The following PTPRG variants were observed in gnomAD, a reference collection of about 807,000 sequenced individuals.
The protein encoded by PTPRG is receptor-type tyrosine-protein phosphatase gamma.
PTPRG carries 102 observed loss-of-function variants against 165.3 expected under a neutral mutation model. That is an observed-to-expected ratio of 0.62 (90% CI 0.53 to 0.73). The LOEUF (loss-of-function observed/expected upper bound fraction) is 0.73. PTPRG is among the 30% of genes least tolerant of loss of function. PTPRG has a pLI of 0.00. For synonymous variants in PTPRG, 675 were observed against 669.5 expected (o/e 1.01, Z -0.13); for missense variants, 1,866 against 1,861.4 (o/e 1.00, Z -0.05).
intron 2 of PTPRG, among the ~76,000 whole-genome samples, chr3:61,873,177 T>C (rs945797565): frequency 6.6e-6 from 1 of 152,202 alleles, no homozygotes; most frequent in African/African-American, 2.4e-5. Context: ...ACATGTAACC[T>C]GGGTGACATG....
chr3:61,642,659 C>T (rs913992624), intron 1 of PTPRG, among the ~76,000 whole-genome samples: 1 of 152,188 alleles, frequency 6.6e-6, no homozygotes, highest in Non-Finnish European at 1.5e-5. Context: ...CCTTAAAACC[C>T]GGATTTGACT....
intron 4 of PTPRG, among the ~76,000 whole-genome samples, chr3:62,024,867 A>T (rs990878355): frequency 2.6e-5 from 4 of 152,210 alleles, no homozygotes; most frequent in African/African-American, 9.7e-5. Context: ...GAATTTCGAC[A>T]TGCGATTTTC....
chr3:61,975,215 A>G (rs2040474469), intron 2 of PTPRG, among the ~76,000 whole-genome samples: 1 of 152,210 alleles, frequency 6.6e-6, no homozygotes, highest in African/African-American at 2.4e-5. Context: ...ACCGTTTACT[A>G]GGGGAATGAT....
At chr3:61,575,330 A>C (rs1700150454) in intron 1 of PTPRG, among the ~76,000 whole-genome samples, 1 of 152,216 alleles carries the variant, frequency 6.6e-6, no homozygotes, top group Admixed American at 6.5e-5. Context: ...GGAACCTTTA[A>C]ATGGGGTTGA....
chr3:62,176,819 A>G (rs990596778), intron 8 of PTPRG, among the ~76,000 whole-genome samples: 17 of 152,134 alleles, frequency 1.1e-4, no homozygotes, highest in African/African-American at 3.9e-4. Flanking sequence ...TTGCTAAGTG[A>G]ACGAATGAAT....
intron 9 of PTPRG, among the ~76,000 whole-genome samples, chr3:62,194,505 C>T (rs539994445): frequency 2.6e-5 from 4 of 152,250 alleles, no homozygotes; most frequent in East Asian, 3.9e-4. Context: ...AAAAATACAG[C>T]GAGGCCTTTG....
intron 2 of PTPRG, among the ~76,000 whole-genome samples, chr3:61,816,821 T>C (rs1003165011): frequency 6.6e-6 from 1 of 151,456 alleles, no homozygotes; most frequent in African/African-American, 2.4e-5. Context: ...CTTGGTGAGA[T>C]AAAAGTGATG....
intron 5 of PTPRG, among the ~76,000 whole-genome samples, chr3:62,116,532 C>T (rs1254630468): frequency 6.6e-6 from 1 of 152,122 alleles, no homozygotes; most frequent in Non-Finnish European, 1.5e-5. Flanking sequence ...GGGTGAATCT[C>T]AGATATAACG....
chr3:62,069,353 A>C (rs1274038196), intron 4 of PTPRG, among the ~76,000 whole-genome samples: 1 of 152,160 alleles, frequency 6.6e-6, no homozygotes, highest in Non-Finnish European at 1.5e-5. Flanking sequence ...TTAGATCTTC[A>C]TCTAATACTG....
chr3:61,847,998 G>A (rs763086535), intron 2 of PTPRG, among the ~76,000 whole-genome samples: 9 of 152,312 alleles, frequency 5.9e-5, no homozygotes, highest in East Asian at 5.8e-4. Context: ...TTGCAGAGAC[G>A]CCTTGTCCCC....
chr3:62,001,038 T>C (rs574226513), intron 3 of PTPRG, among the ~76,000 whole-genome samples: 4 of 152,352 alleles, frequency 2.6e-5, no homozygotes, highest in Non-Finnish European at 5.9e-5. Context: ...TTCCAACATG[T>C]CTTGAGCTCA....
chr3:62,091,610 C>A (rs912509318), intron 5 of PTPRG, among the ~76,000 whole-genome samples: 1 of 152,064 alleles, frequency 6.6e-6, no homozygotes, highest in Admixed American at 6.5e-5. Flanking sequence ...AAACGGGGAT[C>A]CTTTATGTGG....
At chr3:62,162,367 A>T (rs959968793) in intron 7 of PTPRG, among the ~76,000 whole-genome samples, 2 of 152,212 alleles carry the variant, frequency 1.3e-5, no homozygotes, top group African/African-American at 4.8e-5. Context: ...TGTTTTACAC[A>T]TTCACTTCAA....
At chr3:61,822,547 AG>A (rs918109965) in intron 2 of PTPRG, among the ~76,000 whole-genome samples, 2 of 152,238 alleles carry the variant, frequency 1.3e-5, no homozygotes, top group African/African-American at 4.8e-5. Flanking sequence ...CTGTCCTCAG[AG>A]GGATCTTTCC....
intron 3 of PTPRG, among the ~76,000 whole-genome samples, chr3:61,993,974 TAATC>T (rs959975691): frequency 6.6e-6 from 1 of 152,236 alleles, no homozygotes; most frequent in Non-Finnish European, 1.5e-5. Flanking sequence ...CTATCCAGCA[TAATC>T]AATAGAGCAA....
rs1700823889 is a variant in PTPRG, at chr3:62,228,684, A to T, written c.2289-2541A>T. Among the ~76,000 whole-genome samples, 1 of 152,202 alleles carries T rather than the reference A, an allele frequency of 6.6e-6. No homozygotes were observed. Among genetic ancestry groups the T allele is most frequent in the Non-Finnish European group, 1.5e-5 (1 of 68,022 alleles). On this transcript the variant is annotated intron_variant, in intron 13 of 29. Coordinates refer to ENST00000474889, the MANE Select transcript of PTPRG (RefSeq NM_002841.4). The surrounding 1 kb of genome is among the most constrained non-coding windows in gnomAD (Gnocchi z 4.1). ...TTTATGCAAAGCAAAGTCCACTGTT[A>T]ACGGGTAGAATCAGATTCTTTTCTG...
chr3:61,904,874 A>G (rs983087830), intron 2 of PTPRG, among the ~76,000 whole-genome samples: 1 of 152,136 alleles, frequency 6.6e-6, no homozygotes, highest in Non-Finnish European at 1.5e-5. Context: ...AAATATTACC[A>G]AAGTATAAAG....
intron 2 of PTPRG, among the ~76,000 whole-genome samples, chr3:61,775,527 ATCT>A (rs1195841964): frequency 6.6e-6 from 1 of 152,166 alleles, no homozygotes; most frequent in African/African-American, 2.4e-5. Flanking sequence ...CATAATGGAA[ATCT>A]TCTTTTTGAT....
At chr3:62,118,759 C>T (rs992253326) in intron 5 of PTPRG, among the ~76,000 whole-genome samples, 1 of 152,002 alleles carries the variant, frequency 6.6e-6, no homozygotes, top group South Asian at 2.1e-4. Context: ...TTCATTTTAC[C>T]CCTGCAGAAC....
Sources: allele counts gnomAD v4.1 joint callset (sites outside exome capture counted in the v4.1 genomes callset), GRCh38; gene constraint gnomAD v4.1.1; non-coding constraint Gnocchi (gnomAD v3.1); transcripts MANE v1.5; gene names NCBI Gene and HGNC (gene_info 2026-07-23, HGNC 2026-07-21).